ABHD2: variants seen among roughly 807,000 people sequenced by gnomAD.
ABHD2 encodes monoacylglycerol lipase ABHD2.
Under a neutral mutation model 48.1 loss-of-function variants are expected in ABHD2, and 20 were observed. The ratio of observed to expected loss-of-function variants is 0.42; its 90% CI spans 0.29 to 0.60. The LOEUF is 0.60. ABHD2 is among the 20% of genes least tolerant of loss of function. The probability of loss-of-function intolerance (pLI) is 0.24; values close to 1 mark genes in which losing one functional copy is unlikely to be tolerated. For synonymous variants in ABHD2, 209 were observed against 214.2 expected (o/e 0.98, Z 0.21); for missense variants, 405 against 550.9 (o/e 0.74, Z 2.65).
chr15:89,139,818 C>G (rs1278366181), intron 3 of ABHD2, among the ~76,000 whole-genome samples: 1 of 152,146 alleles, frequency 6.6e-6, no homozygotes, highest in Non-Finnish European at 1.5e-5. Context: ...GATGGGCATT[C>G]TCTCTGGAAA....
intron 10 of ABHD2, among the ~76,000 whole-genome samples, chr15:89,194,030 G>A (rs1272889267): frequency 6.6e-6 from 1 of 152,126 alleles, no homozygotes; most frequent in Admixed American, 6.5e-5. Context: ...GTTCGAGGCT[G>A]CAGCAAGCTA....
rs767856023 is a variant in ABHD2, at chr15:89,173,911, C to T, written c.539-1901C>T. ...GTTTGGGAGGAAGCAGCTCTTGGCCCGGTTTTTCCCTTAGTTTTAGGCATC... is the reference window on the plus strand; with the variant it reads ...GTTTGGGAGGAAGCAGCTCTTGGCCTGGTTTTTCCCTTAGTTTTAGGCATC... On this transcript the variant is annotated intron_variant, in intron 5 of 10. Coordinates refer to ENST00000352732, the MANE Select transcript of ABHD2 (RefSeq NM_152924.5). This position sits in a 1 kb window ranked among gnomAD's most constrained non-coding sequence, Gnocchi z 6.5. Among the ~76,000 whole-genome samples, 9 of 152,122 alleles carry T rather than the reference C, an allele frequency of 5.9e-5. No homozygotes were observed. The highest frequency in any genetic ancestry group is 1.2e-4 in the African/African-American group (5 of 41,432).
rs959954109 is a variant in ABHD2, at chr15:89,164,326, T to G, written c.538+8792T>G. ...CCTTTTCACAGACAGGGACCAGATC[T>G]GCATTTCTAATTTTTATATTATTGT... On this transcript the variant is annotated intron_variant, in intron 5 of 10. Transcript: ENST00000352732. This position sits in a 1 kb window ranked among gnomAD's most constrained non-coding sequence, Gnocchi z 5.0. Among the ~76,000 whole-genome samples the G allele has an allele frequency of 5.9e-5, 9 of 152,206 alleles. No individual in the cohort carries two copies. Among genetic ancestry groups the G allele is most frequent in the Non-Finnish European group, 1.2e-4 (8 of 68,036 alleles).
At chr15:89,139,596 C>A (rs1013284036) in intron 3 of ABHD2, among the ~76,000 whole-genome samples, 1 of 152,172 alleles carries the variant, frequency 6.6e-6, no homozygotes, top group East Asian at 1.9e-4. Context: ...AGGTTCGGAC[C>A]TGATAACATC....
At chr15:89,112,713 G>A (rs940404603) in intron 1 of ABHD2, among the ~76,000 whole-genome samples, 1 of 152,208 alleles carries the variant, frequency 6.6e-6, no homozygotes, top group Non-Finnish European at 1.5e-5. Flanking sequence ...CTGGTGTCTT[G>A]TGTGTGTCTC....
Position 89,175,731 on chromosome 15 carries a change from A to G in ABHD2, c.539-81A>G. The G allele has an allele frequency of 6.8e-7, 1 of 1,478,164 alleles. No individual in the cohort carries two copies. Among genetic ancestry groups the G allele is most frequent in the Non-Finnish European group, 9.4e-7 (1 of 1,062,044 alleles). The allele number at this position is 1,478,164 out of a possible 1,614,324, so 91.6% of individuals were successfully genotyped here. A position where few individuals can be genotyped will look rare whatever the true frequency, so the allele number is the denominator to read the frequency against. ...TCTCTCTTTTAGTATACTGGCACCC[A>G]TTTAGTAACGTTCCAGCTTGCATTT... On this transcript the variant is annotated intron_variant, in intron 5 of 10. Transcript: ENST00000352732. The surrounding 1 kb of genome is among the most constrained non-coding windows in gnomAD (Gnocchi z 5.7).
the ABHD2 span, among the ~76,000 whole-genome samples, chr15:89,070,355 G>A: frequency 3.3e-5 from 5 of 152,164 alleles, no homozygotes; most frequent in Non-Finnish European, 5.9e-5. Context: ...CTCCTAGAGG[G>A]GCAACAGATA....
chr15:89,132,517 A>G (rs2050236416), intron 3 of ABHD2, among the ~76,000 whole-genome samples: 1 of 152,224 alleles, frequency 6.6e-6, no homozygotes, highest in South Asian at 2.1e-4. Flanking sequence ...CTGCTTTCAG[A>G]TAGATATAGA....
upstream of ABHD2, among the ~76,000 whole-genome samples, chr15:89,086,922 A>T (rs1901370167): frequency 6.6e-6 from 1 of 152,188 alleles, no homozygotes; most frequent in Non-Finnish European, 1.5e-5. Flanking sequence ...GAATATATAA[A>T]CACTGAGATG....
At chr15:89,150,469 C>T (rs1260111452) in intron 3 of ABHD2, among the ~76,000 whole-genome samples, 2 of 152,178 alleles carry the variant, frequency 1.3e-5, no homozygotes, top group East Asian at 1.9e-4. Flanking sequence ...ATATTTGCAC[C>T]TGTGGTGTTA....
chr15:89,108,905 C>A (rs1028968966), intron 1 of ABHD2, among the ~76,000 whole-genome samples: 1 of 152,222 alleles, frequency 6.6e-6, no homozygotes, highest in African/African-American at 2.4e-5. Context: ...GACCGCAATT[C>A]TGTCCCTAGA....
the ABHD2 span, among the ~76,000 whole-genome samples, chr15:89,056,439 G>A: frequency 2.6e-5 from 4 of 152,088 alleles, no homozygotes; most frequent in Non-Finnish European, 4.4e-5. Flanking sequence ...GGCACAGATC[G>A]AGACCATCCT....
chr15:89,201,814 C>CGCAGAGCAGGG lies in ABHD2; in HGVS notation c.*6393_*6403dup. 1 of 1,324,538 alleles carries CGCAGAGCAGGG rather than the reference C, an allele frequency of 7.5e-7. No individual in the cohort carries two copies. The highest frequency in any genetic ancestry group is 1.1e-6 in the Non-Finnish European group (1 of 925,612). 82.0% of individuals were successfully genotyped at this position (1,324,538 alleles called of 1,614,324 possible). A position where few individuals can be genotyped will look rare whatever the true frequency, so the allele number is the denominator to read the frequency against. ...GAGGCAGACGCCATTGGAGAGACAG[C>CGCAGAGCAGGG]GCAGAGCAGGGGGCGGCTTGCTCGC... On this transcript the variant is annotated 3_prime_UTR_variant, in exon 11 of 11. Coordinates refer to ENST00000352732, the MANE Select transcript of ABHD2 (RefSeq NM_152924.5).
rs923249791 is a variant in ABHD2 at position 89,200,765 on chromosome 15, C to G, written c.*5342C>G. 6.0e-5 allele frequency: 15 copies of G among 251,908 alleles called. No individual in the cohort carries two copies. The highest frequency in any genetic ancestry group is 4.8e-5 in the Non-Finnish European group (6 of 125,888). The allele number at this position is 251,908 out of a possible 1,614,324, so 15.6% of individuals were successfully genotyped here. A position where few individuals can be genotyped will look rare whatever the true frequency, so the allele number is the denominator to read the frequency against. ...GAAATAGCACTCTGCATGCTTTGCT[C>G]TACAAGACGAATTTCCCTAGAAAGA... On this transcript the variant is annotated 3_prime_UTR_variant, in exon 11 of 11. Coordinates refer to ENST00000352732, the MANE Select transcript of ABHD2 (RefSeq NM_152924.5).
the ABHD2 span, among the ~76,000 whole-genome samples, chr15:89,060,902 A>AT: frequency 6.6e-6 from 1 of 152,166 alleles, no homozygotes; most frequent in Non-Finnish European, 1.5e-5. Flanking sequence ...TTATACAGCC[A>AT]TTAAAAAAAA....
chr15:89,176,422 G>T lies in ABHD2; in HGVS notation c.722+427G>T, dbSNP rs2051014637. ...TCCTGCAAGAGATGAGTCCCAGATG[G>T]CATCTGGAAGGGATCTGTAGAAATC... On this transcript the variant is annotated intron_variant, in intron 6 of 10. Coordinates refer to ENST00000352732, the MANE Select transcript of ABHD2 (RefSeq NM_152924.5). This position sits in a 1 kb window ranked among gnomAD's most constrained non-coding sequence, Gnocchi z 4.5. 6.6e-6 allele frequency among the ~76,000 whole-genome samples: 1 copy of T among 152,126 alleles called. No homozygotes were observed. Among genetic ancestry groups the T allele is most frequent in the African/African-American group, 2.4e-5 (1 of 41,420 alleles).
At chr15:89,081,481 C>T in the ABHD2 span, among the ~76,000 whole-genome samples, 5 of 152,196 alleles carry the variant, frequency 3.3e-5, no homozygotes, top group African/African-American at 1.2e-4. Context: ...AACTTAAATG[C>T]CACGTCTGCA....
chr15:89,170,976 C>T (rs1045494877), intron 5 of ABHD2, among the ~76,000 whole-genome samples: 3 of 151,942 alleles, frequency 2.0e-5, no homozygotes, highest in African/African-American at 4.8e-5. Flanking sequence ...ATTAGCCCGG[C>T]GTGGTGGTGG....
chr15:89,155,622 A>C lies in ABHD2; in HGVS notation c.538+88A>C. The C allele has an allele frequency of 6.7e-7, 1 of 1,495,380 alleles. No homozygotes were observed. Among genetic ancestry groups the C allele is most frequent in the Non-Finnish European group, 9.0e-7 (1 of 1,107,150 alleles). 92.6% of individuals were successfully genotyped at this position (1,495,380 alleles called of 1,614,324 possible). ...CTTGTTTTTTCTTTTTTTAAGTTTTAAACCTATGCCCATCTGCAAGAGATG... is the reference window on the plus strand; with the variant it reads ...CTTGTTTTTTCTTTTTTTAAGTTTTCAACCTATGCCCATCTGCAAGAGATG... On this transcript the variant is annotated intron_variant, in intron 5 of 10. Coordinates refer to ENST00000352732, the MANE Select transcript of ABHD2 (RefSeq NM_152924.5). The surrounding 1 kb of genome is among the most constrained non-coding windows in gnomAD (Gnocchi z 4.9).
Sources: gnomAD v4.1 joint callset for allele counts (sites outside exome capture counted in the v4.1 genomes callset) on GRCh38, gnomAD v4.1.1 for gene constraint, Gnocchi (gnomAD v3.1) non-coding constraint, MANE v1.5 for transcripts, NCBI Gene and HGNC (gene_info 2026-07-23, HGNC 2026-07-21) for gene names.